ZNF385D: variants seen among roughly 807,000 people sequenced by gnomAD.
The protein encoded by ZNF385D is zinc finger protein 385D.
A neutral mutation model predicts 35.8 loss-of-function variants in ZNF385D; 15 were observed. The ratio of observed to expected loss-of-function variants is 0.42; its 90% CI spans 0.28 to 0.64. The LOEUF is 0.64. ZNF385D is among the 30% of genes least tolerant of loss of function. ZNF385D has a pLI of 0.23. For missense variants in ZNF385D, 474 were observed against 494.6 expected (o/e 0.96, Z 0.39); for synonymous variants, 212 against 186.8 (o/e 1.13, Z -1.10).
chr3:21,870,627 G>T (rs754060689), intron 3 of ZNF385D, among the ~76,000 whole-genome samples: 1 of 152,036 alleles, frequency 6.6e-6, no homozygotes, highest in Non-Finnish European at 1.5e-5. Flanking sequence ...AATCAGCCAC[G>T]CAAACCTTGT....
chr3:21,619,073 C>T (rs1404860752), intron 2 of ZNF385D, among the ~76,000 whole-genome samples: 1 of 152,098 alleles, frequency 6.6e-6, no homozygotes. Flanking sequence ...CCATTTTCTG[C>T]ACATGTCCTA....
chr3:22,321,625 A>C (rs538782319), intron 2 of ZNF385D, among the ~76,000 whole-genome samples: 5 of 152,146 alleles, frequency 3.3e-5, no homozygotes, highest in African/African-American at 1.2e-4. Flanking sequence ...TCGGCCTCCC[A>C]AAGTGCTGGG....
chr3:21,983,980 T>C (rs1218139379), intron 3 of ZNF385D, among the ~76,000 whole-genome samples: 3 of 137,224 alleles, frequency 2.2e-5, no homozygotes, highest in South Asian at 4.7e-4. Flanking sequence ...GAAGTGTCTG[T>C]TCATGTCCTT....
chr3:21,989,916 A>C (rs1349060558), intron 3 of ZNF385D, among the ~76,000 whole-genome samples: 1 of 152,202 alleles, frequency 6.6e-6, no homozygotes, highest in African/African-American at 2.4e-5. Flanking sequence ...TGGAGCTTTC[A>C]CATGTGTGCC....
upstream of ZNF385D, among the ~76,000 whole-genome samples, chr3:21,754,418 C>A (rs1477974500): frequency 6.6e-6 from 1 of 152,256 alleles, no homozygotes; most frequent in Non-Finnish European, 1.5e-5. Flanking sequence ...GTAGCACCAA[C>A]CTGCTTGCCA....
upstream of ZNF385D, among the ~76,000 whole-genome samples, chr3:21,754,983 A>G (rs1325421137): frequency 1.3e-5 from 2 of 152,222 alleles, no homozygotes; most frequent in Non-Finnish European, 2.9e-5. Context: ...TGTTCACACA[A>G]ATTGAATTTG....
chr3:21,900,414 T>C (rs1324633105), intron 3 of ZNF385D, among the ~76,000 whole-genome samples: 3 of 152,162 alleles, frequency 2.0e-5, no homozygotes, highest in East Asian at 1.9e-4. Flanking sequence ...TTGTGACCTC[T>C]TTATAATAAT....
intron 2 of ZNF385D, among the ~76,000 whole-genome samples, chr3:22,176,358 T>C (rs1694833279): frequency 6.6e-6 from 1 of 152,218 alleles, no homozygotes; most frequent in Non-Finnish European, 1.5e-5. Context: ...TTAATTGTTT[T>C]ACATCACCTC....
At chr3:21,949,489 T>A (rs534371875) in intron 3 of ZNF385D, among the ~76,000 whole-genome samples, 3 of 152,110 alleles carry the variant, frequency 2.0e-5, no homozygotes, top group Non-Finnish European at 4.4e-5. Flanking sequence ...CTAAACTAGA[T>A]GAGTGCTTTC....
At chr3:21,829,799 A>G (rs1195212740) in intron 3 of ZNF385D, among the ~76,000 whole-genome samples, 2 of 151,810 alleles carry the variant, frequency 1.3e-5, no homozygotes, top group Admixed American at 6.6e-5. Flanking sequence ...TTTCAATGGC[A>G]AAAGCTGTAA....
chr3:22,171,749 C>T (rs993969278), intron 2 of ZNF385D, among the ~76,000 whole-genome samples: 2 of 151,664 alleles, frequency 1.3e-5, no homozygotes, highest in Non-Finnish European at 2.9e-5. Context: ...TGGTGCCAGG[C>T]GCCTGTAGTT....
At chr3:22,351,097 T>C (rs1286282808) in intron 2 of ZNF385D, among the ~76,000 whole-genome samples, 3 of 152,246 alleles carry the variant, frequency 2.0e-5, no homozygotes, top group East Asian at 1.9e-4. Context: ...GCTGCATGTA[T>C]ATCTACAATT....
intron 2 of ZNF385D, among the ~76,000 whole-genome samples, chr3:22,214,081 G>A (rs1253302672): frequency 6.6e-6 from 1 of 151,956 alleles, no homozygotes; most frequent in East Asian, 1.9e-4. Context: ...TCGAACGGAG[G>A]GACTGGCTGA....
chr3:21,838,652 G>A (rs1237736109), intron 3 of ZNF385D, among the ~76,000 whole-genome samples: 1 of 152,000 alleles, frequency 6.6e-6, no homozygotes, highest in Non-Finnish European at 1.5e-5. Flanking sequence ...ATAGCAAACT[G>A]GCCTTATCCA....
intron 2 of ZNF385D, among the ~76,000 whole-genome samples, chr3:22,285,708 G>C (rs928066570): frequency 1.3e-5 from 2 of 151,908 alleles, no homozygotes; most frequent in Non-Finnish European, 2.9e-5. Context: ...GCAGTCGCTG[G>C]TGTGTGATGT....
chr3:22,156,398 G>T (rs1387495644), intron 3 of ZNF385D, among the ~76,000 whole-genome samples: 1 of 152,024 alleles, frequency 6.6e-6, no homozygotes, highest in Non-Finnish European at 1.5e-5. Flanking sequence ...CCCTGCCCCT[G>T]CACAGATGGA....
chr3:22,183,451 G>A lies in ZNF385D; in HGVS notation c.107-14416C>T, dbSNP rs534413508. On this transcript the variant is annotated intron_variant, in intron 2 of 5. Transcript: ENST00000494108. ...TGGCTCACTACAACCTCCGCCTCCC[G>A]GGTTCAAGCGATTCTCCTGCCTCAG... Among the ~76,000 whole-genome samples, 11 of 152,022 alleles carry A rather than the reference G, an allele frequency of 7.2e-5. No individual in the cohort carries two copies. In the South Asian group the frequency reaches 1.0e-3, roughly 14 times the overall value.
At chr3:21,472,648 C>A (rs778859377) in intron 4 of ZNF385D, among the ~76,000 whole-genome samples, 4 of 151,932 alleles carry the variant, frequency 2.6e-5, no homozygotes, top group Non-Finnish European at 5.9e-5. Flanking sequence ...ATGGGTATAG[C>A]CTTGTAACAA....
chr3:22,061,777 C>G (rs989972539), intron 3 of ZNF385D, among the ~76,000 whole-genome samples: 6 of 152,172 alleles, frequency 3.9e-5, no homozygotes, highest in African/African-American at 1.4e-4. Flanking sequence ...CACACACACT[C>G]CACCTGCTAT....
Sources: allele counts gnomAD v4.1 joint callset (sites outside exome capture counted in the v4.1 genomes callset), GRCh38; gene constraint gnomAD v4.1.1; transcripts MANE v1.5; gene names NCBI Gene and HGNC (gene_info 2026-07-23, HGNC 2026-07-21).